The following NFE2L1 variants were observed in gnomAD, a reference collection of about 807,000 sequenced individuals.
NFE2L1 encodes endoplasmic reticulum membrane sensor NFE2L1.
In NFE2L1, 18 loss-of-function variants were observed where a neutral mutation model predicts 61.6. That is an observed-to-expected ratio of 0.29 (90% CI 0.20 to 0.43). The LOEUF (loss-of-function observed/expected upper bound fraction) is 0.43. Ranked by LOEUF, NFE2L1 falls within the 20% of genes least tolerant of loss-of-function variation. The pLI is 1.00. For synonymous variants in NFE2L1, 419 were observed against 402.7 expected (o/e 1.04, Z -0.48); for missense variants, 827 against 973.5 (o/e 0.85, Z 2.00).
At position 48,058,361 on chromosome 17, in the gene NFE2L1, A is replaced by G; in HGVS notation, c.1039A>G (p.Thr347Ala). 1 of 1,614,036 alleles carries G rather than the reference A, an allele frequency of 6.2e-7. No homozygotes were observed. The highest frequency in any genetic ancestry group is 1.1e-5 in the South Asian group (1 of 91,046). ...TGCCCCTCCTGGAGACCCACTGAGCACCAACTACAGCCTTGCCCCCAACAC... is the reference window on the plus strand; with the variant it reads ...TGCCCCTCCTGGAGACCCACTGAGCGCCAACTACAGCCTTGCCCCCAACAC... ...YSAPPGDPLS[T>A]NYSLAPNTPI... is the part of the protein sequence containing the mutation. The change falls in exon 6 of 6, where the codon ACC (threonine) becomes GCC (alanine). Residue 347 changes from threonine to alanine, a missense_variant. This residue lies in a region of NFE2L1 where 667 missense variants were observed against 748.4 expected (regional missense o/e 0.89). Transcript: ENST00000362042.
At position 48,051,531 on chromosome 17, in the gene NFE2L1, A is replaced by G. The variant is rs779400637; in HGVS notation, c.413A>G (p.Asn138Ser). Reference sequence around the variant, plus strand: ...CTCCAAGATGTGACAGGCCCAGACAACGGGGTGCGAGAAAGCGAAACGGAG... The same window carrying G: ...CTCCAAGATGTGACAGGCCCAGACAGCGGGGTGCGAGAAAGCGAAACGGAG... ...SGLQDVTGPDNGVRESETEQG... is the reference protein window; with the variant it reads ...SGLQDVTGPDSGVRESETEQG... The change falls in exon 2 of 6, where the codon AAC becomes AGC. Residue 138 changes from asparagine to serine, a missense_variant. By Grantham distance (46) the Asn-to-Ser change is conservative. Around this residue, in one of 3 missense-constraint regions of NFE2L1, gnomAD observed 667 missense variants for 748.4 expected, o/e 0.89. Transcript: ENST00000362042. 5.6e-6 allele frequency: 9 copies of G among 1,614,036 alleles called. No individual in the cohort carries two copies. Among genetic ancestry groups the G allele is most frequent in the African/African-American group, 5.3e-5 (4 of 74,920 alleles).
In NFE2L1 at chr17:48,052,224, G is replaced by A. The variant is rs144693170; in HGVS notation, c.510+596G>A. On this transcript the variant is annotated intron_variant, in intron 2 of 5. Coordinates refer to ENST00000362042, the MANE Select transcript of NFE2L1 (RefSeq NM_003204.3). ...AAGAGAAGTCTGGGAGCTAGAAAGA[G>A]AAACTGCATTCTGCTGCCCAAGTCA... 5.3e-3 allele frequency among the ~76,000 whole-genome samples: 805 copies of A among 152,320 alleles called. 2 individuals are homozygous for A. The highest frequency in any genetic ancestry group is 0.02 in the Middle Eastern group (6 of 294).
In NFE2L1 at chr17:48,059,514, G is replaced by A. The variant is rs772152995; in HGVS notation, c.2192G>A (p.Arg731Gln). Residue 731 changes from arginine to glutamine, a missense_variant, in exon 6 of 6, where the codon CGA becomes CAA. Transcript: ENST00000362042. This position sits in a 1 kb window ranked among gnomAD's most constrained non-coding sequence, Gnocchi z 6.1. ...VFGRLRDENG[R>Q]PYSPSQYALQ... is the part of the protein sequence containing the mutation. Reference sequence around the variant, plus strand: ...GGGCGGCTGCGAGATGAGAACGGACGACCCTACTCGCCCAGTCAGTATGCG... The same window carrying A: ...GGGCGGCTGCGAGATGAGAACGGACAACCCTACTCGCCCAGTCAGTATGCG... The A allele has an allele frequency of 6.2e-6, 10 of 1,613,890 alleles. No homozygotes were observed. The highest frequency in any genetic ancestry group is 1.1e-5 in the South Asian group (1 of 91,084).
At chr17:48,051,795 G>A (rs2037259001) in intron 2 of NFE2L1, among the ~76,000 whole-genome samples, 167 bp downstream of exon 2, 1 of 152,146 alleles carries the variant, frequency 6.6e-6, no homozygotes, top group African/African-American at 2.4e-5. Context: ...CTTTAGGATT[G>A]GGGGCTGGGA....
rs991098429 is a variant in NFE2L1 at position 48,060,900 on chromosome 17, A to G, written c.*1259A>G. The G allele has an allele frequency of 5.2e-5, 8 of 152,686 alleles. No homozygotes were observed. The highest frequency in any genetic ancestry group is 3.9e-4 in the Admixed American group (6 of 15,286). The allele number at this position is 152,686 out of a possible 1,614,324, so 9.5% of individuals were successfully genotyped here. On this transcript the variant is annotated 3_prime_UTR_variant, in exon 6 of 6. Transcript: ENST00000362042. Reference sequence around the variant, plus strand: ...GTGTTGAGTAAAAAGGAGATGCCCAATATTCAAAGCTGCTAAATGTTCTCT... The same window carrying G: ...GTGTTGAGTAAAAAGGAGATGCCCAGTATTCAAAGCTGCTAAATGTTCTCT...
chr17:48,059,900 G>A lies in NFE2L1; in HGVS notation c.*259G>A, dbSNP rs989689745. On this transcript the variant is annotated 3_prime_UTR_variant, in exon 6 of 6. Transcript: ENST00000362042. This position sits in a 1 kb window ranked among gnomAD's most constrained non-coding sequence, Gnocchi z 6.1. Reference sequence around the variant, plus strand: ...ACCCCTTTCCTGTGAGGCAGGGGTGGTGGTGGAGTTGCTGGAGGTAGAGGA... The same window carrying A: ...ACCCCTTTCCTGTGAGGCAGGGGTGATGGTGGAGTTGCTGGAGGTAGAGGA... The A allele has an allele frequency of 4.2e-6, 2 of 475,576 alleles. No homozygotes were observed. Among genetic ancestry groups the A allele is most frequent in the African/African-American group, 1.9e-5 (1 of 51,444 alleles). The allele number at this position is 475,576 out of a possible 1,614,324, so 29.5% of individuals were successfully genotyped here. A position where few individuals can be genotyped will look rare whatever the true frequency, so the allele number is the denominator to read the frequency against.
In NFE2L1 at chr17:48,055,107, T is replaced by G. The variant is rs1021829143; in HGVS notation, c.511-1279T>G. The G allele has an allele frequency of 2.8e-6, 4 of 1,443,104 alleles. No individual in the cohort carries two copies. In the African/African-American group the frequency reaches 5.9e-5, roughly 21 times the overall value. The allele number at this position is 1,443,104 out of a possible 1,614,324, so 89.4% of individuals were successfully genotyped here. A position where few individuals can be genotyped will look rare whatever the true frequency, so the allele number is the denominator to read the frequency against. Reference sequence around the variant, plus strand: ...AACTCTTTGCTGGCTGGTCACCGGGTGGCCCAGCCCGCCTCTGCTCCTGGG... The same window carrying G: ...AACTCTTTGCTGGCTGGTCACCGGGGGGCCCAGCCCGCCTCTGCTCCTGGG... On this transcript the variant is annotated intron_variant, in intron 2 of 5. Transcript: ENST00000362042.
chr17:48,055,246 G>A, intron 2 of NFE2L1: 2 of 1,252,240 alleles, frequency 1.6e-6, no homozygotes, highest in Non-Finnish European at 2.0e-6. Context: ...AGGTAGGGAG[G>A]AGGGTCTGAT....
chr17:48,055,060 T>C, intron 2 of NFE2L1: 2 of 1,506,444 alleles, frequency 1.3e-6, no homozygotes, highest in South Asian at 1.2e-5. Flanking sequence ...GTGGGGGCCA[T>C]GCCAAAGGCA....
chr17:48,054,641 A>G, intron 2 of NFE2L1: 2 of 1,140,526 alleles, frequency 1.8e-6, no homozygotes, highest in Non-Finnish European at 1.1e-6. Flanking sequence ...CAGCCTAGGT[A>G]ACAAGTTTGG....
chr17:48,055,240 A>G, intron 2 of NFE2L1: 1 of 1,257,930 alleles, frequency 7.9e-7, no homozygotes, highest in Non-Finnish European at 1.0e-6. Flanking sequence ...ACTTAGAGGT[A>G]GGGAGGAGGG....
rs768789779 is a variant in NFE2L1 at position 48,057,368 on chromosome 17, A to G, written c.838A>G (p.Thr280Ala). Residue 280 changes from threonine to alanine, a missense_variant, in exon 5 of 6, where the codon ACA becomes GCA. By Grantham distance (58) the Thr-to-Ala change is moderately conservative (BLOSUM62 0). Transcript: ENST00000362042. ...AEFPADISSITEAVPSESEPP... is the reference protein window; with the variant it reads ...AEFPADISSIAEAVPSESEPP... ...GTTTCCAGCAGACATTTCCAGCATA[A>G]CAGAAGCAGTGCCTAGTGAGAGTGA... is the stretch of plus-strand genomic sequence containing the variant. 6.2e-6 allele frequency: 10 copies of G among 1,614,032 alleles called. No homozygotes were observed. Among genetic ancestry groups the G allele is most frequent in the Non-Finnish European group, 7.6e-6 (9 of 1,179,988 alleles).
At position 48,058,521 on chromosome 17, in the gene NFE2L1, A is replaced by C; in HGVS notation, c.1199A>C (p.Asn400Thr). 3 of 1,613,338 alleles carry C rather than the reference A, an allele frequency of 1.9e-6. No individual in the cohort carries two copies. Among genetic ancestry groups the C allele is most frequent in the Non-Finnish European group, 2.5e-6 (3 of 1,179,530 alleles). The change falls in exon 6 of 6, where the codon AAT becomes ACT. Residue 400 changes from asparagine (N) to threonine (T), a missense_variant. Coordinates refer to ENST00000362042, the MANE Select transcript of NFE2L1 (RefSeq NM_003204.3). ...ACGCTGCTCCCGTTGGCCCCCAGCA[A>C]TTCTACCAGCCTCAACTCCACCTTC... ...SSTLLPLAPS[N>T]STSLNSTFGS... is the part of the protein sequence containing the mutation.
intron 1 of NFE2L1, among the ~76,000 whole-genome samples, chr17:48,050,308 ATC>A (rs934779383): frequency 6.6e-6 from 1 of 152,138 alleles, no homozygotes; most frequent in Non-Finnish European, 1.5e-5. Context: ...GTGAAACCCC[ATC>A]TCTACTAAAA....
At chr17:48,049,770 G>A (rs568961309) in intron 1 of NFE2L1, among the ~76,000 whole-genome samples, 1 of 152,336 alleles carries the variant, frequency 6.6e-6, no homozygotes, top group South Asian at 2.1e-4. Context: ...CTTCTTCTGG[G>A]TGAAGTGGTG....
rs1350647077 is a variant in NFE2L1 at position 48,051,005 on chromosome 17, G to C, written c.-114G>C. 3.8e-6 allele frequency: 5 copies of C among 1,309,218 alleles called. No individual in the cohort carries two copies. Among genetic ancestry groups the C allele is most frequent in the African/African-American group, 1.5e-5 (1 of 68,854 alleles). The allele number at this position is 1,309,218 out of a possible 1,614,324, so 81.1% of individuals were successfully genotyped here. ...TTGTGTTCTGCCAGGGTGGGGTACGGGGTTTGACACTGAGGAGGGTAACCT... is the reference window on the plus strand; with the variant it reads ...TTGTGTTCTGCCAGGGTGGGGTACGCGGTTTGACACTGAGGAGGGTAACCT... On this transcript the variant is annotated 5_prime_UTR_variant, in exon 2 of 6. Coordinates refer to ENST00000362042, the MANE Select transcript of NFE2L1 (RefSeq NM_003204.3).
rs1358910975 is a variant in NFE2L1 at position 48,051,444 on chromosome 17, CAG to C, written c.329_330del (p.Glu110GlyfsTer41). The C allele has an allele frequency of 6.2e-7, 1 of 1,614,084 alleles. No homozygotes were observed. Among genetic ancestry groups the C allele is most frequent in the Admixed American group, 1.7e-5 (1 of 60,010 alleles). Reference sequence around the variant, plus strand: ...AATGCCTGGCTGGTTCACCGAGACCCAGAGGGGTCTGTCTCTGGCAGTCAGCC... The same window carrying C: ...AATGCCTGGCTGGTTCACCGAGACCCAGGGGTCTGTCTCTGGCAGTCAGCC... On this transcript the variant is annotated frameshift_variant, in exon 2 of 6. Coordinates refer to ENST00000362042, the MANE Select transcript of NFE2L1 (RefSeq NM_003204.3). LOFTEE classifies it high-confidence loss of function.
rs1365537370 is a variant in NFE2L1, at chr17:48,056,344, C to A, written c.511-42C>A. 6 of 1,611,112 alleles carry A rather than the reference C, an allele frequency of 3.7e-6. No homozygotes were observed. The Admixed American group carries it at 5.0e-5, about 13-fold the overall frequency. On this transcript the variant is annotated intron_variant, in intron 2 of 5. Transcript: ENST00000362042. ...TCTGAGGGGCAGGACAAGGAAGGGACCTTGGGATCTTAGAGCTAAAGTCAT... is the reference window on the plus strand; with the variant it reads ...TCTGAGGGGCAGGACAAGGAAGGGAACTTGGGATCTTAGAGCTAAAGTCAT...
Sources: allele counts gnomAD v4.1 joint callset (sites outside exome capture counted in the v4.1 genomes callset), GRCh38; gene constraint gnomAD v4.1.1; regional missense constraint gnomAD v4.1.1; non-coding constraint Gnocchi (gnomAD v3.1); transcripts MANE v1.5; gene names NCBI Gene and HGNC (gene_info 2026-07-23, HGNC 2026-07-21).